Variants in CSMD1 observed in about 807,000 individuals in gnomAD.
CSMD1 encodes CUB and sushi domain-containing protein 1.
A neutral mutation model predicts 417.5 loss-of-function variants in CSMD1; 213 were observed. That is an observed-to-expected ratio of 0.51 (90% confidence interval 0.46 to 0.57). CSMD1 has a LOEUF of 0.57. Ranked by LOEUF, CSMD1 falls within the 20% of genes least tolerant of loss-of-function variation. The pLI is 0.00. For synonymous variants in CSMD1, 2,862 were observed against 1,736.8 expected, an observed-to-expected ratio of 1.65 and a Z score of -16.11; for missense variants, 6,923 against 4,529.7, an observed-to-expected ratio of 1.53 and a Z score of -15.17.
At chr8:3,551,083 A>C (rs905800400) in intron 10 of CSMD1, among the ~76,000 whole-genome samples, 3 of 152,210 alleles carry the variant, frequency 2.0e-5, no homozygotes, top group Non-Finnish European at 2.9e-5. Context: ...TCATGGCAGA[A>C]CAAGGTAGCA....
At chr8:4,527,056 T>A (rs908122514) in intron 2 of CSMD1, among the ~76,000 whole-genome samples, 3 of 152,198 alleles carry the variant, frequency 2.0e-5, no homozygotes, top group African/African-American at 7.2e-5. Context: ...TCCCTTTCTT[T>A]GTGTGTCTGG....
chr8:3,823,074 G>C (rs768204013), intron 5 of CSMD1, among the ~76,000 whole-genome samples: 3 of 152,128 alleles, frequency 2.0e-5, no homozygotes, highest in East Asian at 3.9e-4. Flanking sequence ...GAGATTTCAA[G>C]AGGAATAAAT....
chr8:3,242,083 GA>G (rs1352148568), intron 26 of CSMD1, among the ~76,000 whole-genome samples: 43 of 139,628 alleles, frequency 3.1e-4, no homozygotes, highest in Admixed American at 1.9e-3. Context: ...AACACTATCT[GA>G]TTTGGGATAA....
At chr8:3,302,748 G>C (rs987071920) in intron 25 of CSMD1, among the ~76,000 whole-genome samples, 1 of 152,222 alleles carries the variant, frequency 6.6e-6, no homozygotes, top group Non-Finnish European at 1.5e-5. Context: ...TGTAGGAACT[G>C]AAGAGCTCAG....
intron 26 of CSMD1, among the ~76,000 whole-genome samples, chr8:3,238,222 T>G (rs137983674): frequency 1.3e-5 from 2 of 151,774 alleles, no homozygotes; most frequent in Non-Finnish European, 2.9e-5. Flanking sequence ...AGGGGAGCTT[T>G]TGAGCCAGGA....
chr8:4,249,716 C>G (rs545092569), intron 3 of CSMD1, among the ~76,000 whole-genome samples: 2 of 152,302 alleles, frequency 1.3e-5, no homozygotes, highest in Admixed American at 6.5e-5. Context: ...AAGACTTGGC[C>G]TCAGCAGAAG....
chr8:4,744,191 A>G (rs1362902030), intron 1 of CSMD1, among the ~76,000 whole-genome samples: 1 of 151,954 alleles, frequency 6.6e-6, no homozygotes, highest in East Asian at 1.9e-4. Context: ...AAACACAGGG[A>G]CTGACTGACG....
At chr8:4,454,573 T>TACA (rs1799356005) in intron 2 of CSMD1, among the ~76,000 whole-genome samples, 2 of 152,152 alleles carry the variant, frequency 1.3e-5, no homozygotes, top group African/African-American at 4.8e-5. Context: ...GTAGACCCAA[T>TACA]GCAGCACTGA....
chr8:2,964,973 A>G (rs1487968051), intron 59 of CSMD1, among the ~76,000 whole-genome samples: 1 of 152,164 alleles, frequency 6.6e-6, no homozygotes, highest in African/African-American at 2.4e-5. Flanking sequence ...TTCCTAGTCT[A>G]ATAAGGAGGA....
At chr8:3,263,957 C>T (rs1482619389) in intron 26 of CSMD1, among the ~76,000 whole-genome samples, 1 of 152,182 alleles carries the variant, frequency 6.6e-6, no homozygotes, top group Admixed American at 6.5e-5. Flanking sequence ...TTGAATGCAG[C>T]ATAAAATTCT....
intron 5 of CSMD1, among the ~76,000 whole-genome samples, chr8:3,864,265 A>G (rs976046139): frequency 1.3e-5 from 2 of 152,306 alleles, no homozygotes; most frequent in East Asian, 3.9e-4. Context: ...CTCCTGTGGG[A>G]ATCATAACTC....
chr8:3,533,520 G>T (rs1333575731), intron 10 of CSMD1, among the ~76,000 whole-genome samples: 2 of 152,080 alleles, frequency 1.3e-5, no homozygotes, highest in African/African-American at 4.8e-5. Flanking sequence ...TTAGCATCAT[G>T]TGATTCAAAG....
At chr8:4,049,502 A>T (rs1007052679) in intron 3 of CSMD1, among the ~76,000 whole-genome samples, 1 of 150,776 alleles carries the variant, frequency 6.6e-6, no homozygotes, top group Non-Finnish European at 1.5e-5. Flanking sequence ...CCCCTTTTTG[A>T]ATAAGATTGG....
intron 3 of CSMD1, among the ~76,000 whole-genome samples, chr8:4,365,298 A>C (rs1363231672): frequency 6.6e-6 from 1 of 152,226 alleles, no homozygotes; most frequent in Admixed American, 6.5e-5. Flanking sequence ...TAAATTTAGG[A>C]TTACACCTGA....
At chr8:3,948,679 T>C (rs1037846183) in intron 5 of CSMD1, among the ~76,000 whole-genome samples, 1 of 152,198 alleles carries the variant, frequency 6.6e-6, no homozygotes. Flanking sequence ...GAAGGACCAA[T>C]GAGTTCTATT....
At chr8:3,500,028 G>A (rs527285849) in intron 10 of CSMD1, among the ~76,000 whole-genome samples, 1 of 152,180 alleles carries the variant, frequency 6.6e-6, no homozygotes, top group East Asian at 2.0e-4. Flanking sequence ...CCTGAATACA[G>A]GCATCTGGGG....
chr8:4,594,193 A>ATTTTTTTTTTTTTT, intron 2 of CSMD1, among the ~76,000 whole-genome samples: 1 of 88,110 alleles, frequency 1.1e-5, no homozygotes. Context: ...TTCTAAAGTG[A>ATTTTTTTTTTTTTT]TCTTTTTTTT....
intron 5 of CSMD1, among the ~76,000 whole-genome samples, chr8:3,954,594 C>A (rs78775063): frequency 1.3e-5 from 2 of 152,340 alleles, no homozygotes; most frequent in Admixed American, 6.5e-5. Context: ...GAACGCCTGA[C>A]CTCGTGATCC....
chr8:3,343,284 T>C lies in CSMD1; in HGVS notation c.3631+10A>G, dbSNP rs531795487. ...GAAAAAAGAACGTGATTAAGTCGTA[T>C]GTTACTTACTGGTATAGGTGAGTTG... On this transcript the variant is annotated intron_variant, in intron 23 of 69. Transcript: ENST00000635120. 5.0e-6 allele frequency: 8 copies of C among 1,610,832 alleles called. No individual in the cohort carries two copies. In the African/African-American group the frequency reaches 5.3e-5, roughly 11 times the overall value.
Sources: allele counts gnomAD v4.1 joint callset (sites outside exome capture counted in the v4.1 genomes callset), GRCh38; gene constraint gnomAD v4.1.1; transcripts MANE v1.5; gene names NCBI Gene and HGNC (gene_info 2026-07-23, HGNC 2026-07-21).